EPHA6: variants seen among roughly 807,000 people sequenced by gnomAD.
EPHA6 encodes ephrin type-A receptor 6.
Under a neutral mutation model 112.0 loss-of-function variants are expected in EPHA6, and 50 were observed. The ratio of observed to expected loss-of-function variants is 0.45; its 90% CI spans 0.36 to 0.56. EPHA6 has a LOEUF of 0.56. Ranked by LOEUF, EPHA6 falls within the 20% of genes least tolerant of loss-of-function variation. The pLI is 0.00. For synonymous variants in EPHA6, 529 were observed against 490.7 expected (o/e 1.08, Z -1.03); for missense variants, 1,280 against 1,417.4 (o/e 0.90, Z 1.56).
intron 11 of EPHA6, among the ~76,000 whole-genome samples, chr3:97,578,987 C>A (rs1449812601): frequency 6.6e-6 from 1 of 152,074 alleles, no homozygotes; most frequent in African/African-American, 2.4e-5. Flanking sequence ...AAATTAATCT[C>A]CTCTTCATTT....
At chr3:97,698,543 A>G (rs999017423) in intron 14 of EPHA6, among the ~76,000 whole-genome samples, 1 of 152,230 alleles carries the variant, frequency 6.6e-6, no homozygotes, top group African/African-American at 2.4e-5. Flanking sequence ...ATGTGACACA[A>G]TAAATTTCAG....
At chr3:96,894,997 C>T (rs1018701321) in intron 2 of EPHA6, among the ~76,000 whole-genome samples, 1 of 152,154 alleles carries the variant, frequency 6.6e-6, no homozygotes, top group African/African-American at 2.4e-5. Flanking sequence ...TACTTACAAG[C>T]AAATCTGTGA....
intron 2 of EPHA6, among the ~76,000 whole-genome samples, chr3:96,958,214 C>T (rs1445479883): frequency 3.3e-5 from 5 of 151,328 alleles, no homozygotes; most frequent in African/African-American, 1.2e-4. Flanking sequence ...CACTTGAACC[C>T]GGGAGGCGGA....
chr3:97,152,961 A>G (rs1171348620), intron 3 of EPHA6, among the ~76,000 whole-genome samples: 1 of 152,094 alleles, frequency 6.6e-6, no homozygotes, highest in Non-Finnish European at 1.5e-5. Context: ...GTGGCTTTAG[A>G]GTTGTACTAG....
chr3:97,640,478 T>G (rs1034997990), intron 14 of EPHA6, among the ~76,000 whole-genome samples: 2 of 152,026 alleles, frequency 1.3e-5, no homozygotes, highest in Admixed American at 6.6e-5. Flanking sequence ...TAGAAGATAT[T>G]ATTGGGGCCG....
chr3:97,304,387 G>A (rs1380399350), intron 5 of EPHA6, among the ~76,000 whole-genome samples: 1 of 151,644 alleles, frequency 6.6e-6, no homozygotes. Flanking sequence ...ACAAAATTAG[G>A]AAAACTACTT....
chr3:97,370,572 A>G (rs2084988932), intron 5 of EPHA6, among the ~76,000 whole-genome samples: 1 of 152,180 alleles, frequency 6.6e-6, no homozygotes, highest in Admixed American at 6.6e-5. Context: ...TCAAATAATA[A>G]CAGTATTAGA....
At chr3:97,096,827 T>A (rs2047254423) in intron 3 of EPHA6, among the ~76,000 whole-genome samples, 2 of 151,892 alleles carry the variant, frequency 1.3e-5, no homozygotes, top group South Asian at 4.1e-4. Context: ...AATCTTTTTT[T>A]ATATTCAAAT....
intron 3 of EPHA6, among the ~76,000 whole-genome samples, chr3:97,051,329 G>A (rs1056210632): frequency 6.6e-6 from 1 of 152,112 alleles, no homozygotes; most frequent in Non-Finnish European, 1.5e-5. Flanking sequence ...TCCTCCGTAA[G>A]GAGATATAGT....
chr3:97,537,889 G>A (rs999108993), intron 11 of EPHA6, among the ~76,000 whole-genome samples: 1 of 152,076 alleles, frequency 6.6e-6, no homozygotes, highest in African/African-American at 2.4e-5. Context: ...TCTAGTCACT[G>A]TTAATACAGT....
At chr3:96,829,794 T>C (rs1460700512) in intron 1 of EPHA6, among the ~76,000 whole-genome samples, 2 of 152,056 alleles carry the variant, frequency 1.3e-5, no homozygotes, top group African/African-American at 4.8e-5. Flanking sequence ...TATTAATACA[T>C]AGGAAATGGA....
intron 3 of EPHA6, among the ~76,000 whole-genome samples, chr3:97,193,873 G>A (rs2077371507): frequency 6.6e-6 from 1 of 151,934 alleles, no homozygotes; most frequent in Admixed American, 6.6e-5. Flanking sequence ...TTTATCCAAT[G>A]CTTTTTCAGC....
intron 14 of EPHA6, among the ~76,000 whole-genome samples, chr3:97,656,060 G>A (rs986763470): frequency 6.6e-6 from 1 of 151,892 alleles, no homozygotes; most frequent in African/African-American, 2.4e-5. Flanking sequence ...GTATTCTACA[G>A]TGAGTATTGT....
chr3:97,603,440 T>C (rs1322481335), intron 12 of EPHA6, among the ~76,000 whole-genome samples: 1 of 151,964 alleles, frequency 6.6e-6, no homozygotes, highest in Non-Finnish European at 1.5e-5. Context: ...AGCTCTTTTA[T>C]CACTAGAGAA....
rs1033031189 is a variant in EPHA6 at position 97,065,663 on chromosome 3, T to C, written c.1114+77670T>C. On this transcript the variant is annotated intron_variant, in intron 3 of 17. Coordinates refer to ENST00000389672, the MANE Select transcript of EPHA6 (RefSeq NM_001080448.3). ...TAGGAAGTATTACATATCACAAATA[T>C]TTTCCAAGATCAAACTTCCCAAAGT... Among the ~76,000 whole-genome samples, 3 of 152,252 alleles carry C rather than the reference T, an allele frequency of 2.0e-5. 1 individual carries two copies. Among genetic ancestry groups the C allele is most frequent in the Middle Eastern group, 6.8e-3 (2 of 292 alleles).
Position 97,564,744 on chromosome 3 carries a change from G to T in EPHA6, c.2387-27868G>T, listed in dbSNP as rs375002469. Reference sequence around the variant, plus strand: ...TTTTGTTGGGTTTGATACATATGGAGATTTATTATTAAACATGCAAAATCT... The same window carrying T: ...TTTTGTTGGGTTTGATACATATGGATATTTATTATTAAACATGCAAAATCT... On this transcript the variant is annotated intron_variant, in intron 11 of 17. Transcript: ENST00000389672. Among the ~76,000 whole-genome samples the T allele has an allele frequency of 1.2e-4, 18 of 152,188 alleles. No homozygotes were observed. The South Asian group carries it at 3.7e-3, about 32-fold the overall frequency.
intron 2 of EPHA6, among the ~76,000 whole-genome samples, chr3:96,973,874 A>G (rs1365155684): frequency 1.4e-5 from 2 of 146,320 alleles, no homozygotes; most frequent in African/African-American, 2.5e-5. Flanking sequence ...AATATATAAT[A>G]TGATAGATTC....
At chr3:96,960,312 C>A (rs6802423) in intron 2 of EPHA6, among the ~76,000 whole-genome samples, 18,745 of 151,994 alleles carry the variant, frequency 0.12, 2,119 homozygotes, top group Admixed American at 0.26. Flanking sequence ...TCATCTTTCT[C>A]TCTTATTTCT....
intron 3 of EPHA6, among the ~76,000 whole-genome samples, chr3:97,123,552 T>C (rs1242847142): frequency 6.6e-6 from 1 of 152,012 alleles, no homozygotes; most frequent in Non-Finnish European, 1.5e-5. Flanking sequence ...TGTTAAATCA[T>C]GTAGAGGTGG....
Sources: allele counts gnomAD v4.1 joint callset (sites outside exome capture counted in the v4.1 genomes callset), GRCh38; gene constraint gnomAD v4.1.1; transcripts MANE v1.5; gene names NCBI Gene and HGNC (gene_info 2026-07-23, HGNC 2026-07-21).